Variants in NRDE2 observed in about 807,000 individuals in gnomAD.
The protein encoded by NRDE2 is NRDE-2, necessary for RNA interference, domain containing.
A neutral mutation model predicts 124.2 loss-of-function variants in NRDE2; 76 were observed. The observed-to-expected ratio is 0.61, with a 90% CI of 0.51 to 0.74. The LOEUF is 0.74. Ranked by LOEUF, NRDE2 falls within the 30% of genes least tolerant of loss-of-function variation. The probability of loss-of-function intolerance (pLI) is 0.00; values close to 1 mark genes in which losing one functional copy is unlikely to be tolerated. For synonymous variants in NRDE2, 489 were observed against 528.1 expected (o/e 0.93, Z 1.01); for missense variants, 1,314 against 1,417.3 (o/e 0.93, Z 1.17).
chr14:90,330,206 C>CAAAAAAAAAAAAAAAAAAAA (rs5810495), intron 1 of NRDE2, among the ~76,000 whole-genome samples: 1 of 132,158 alleles, frequency 7.6e-6, no homozygotes, highest in Non-Finnish European at 1.6e-5. Context: ...GACTTGGTCT[C>CAAAAAAAAAAAAAAAAAAAA]AAAAAAAAAA....
chr14:90,278,280 G>C lies in NRDE2; in HGVS notation c.*56C>G. 1 of 1,609,630 alleles carries C rather than the reference G, an allele frequency of 6.2e-7. No individual in the cohort carries two copies. Among genetic ancestry groups the C allele is most frequent in the Non-Finnish European group, 8.5e-7 (1 of 1,176,586 alleles). On this transcript the variant is annotated 3_prime_UTR_variant, in exon 14 of 14. Transcript: ENST00000354366. ...ACACGTTCTCTGCTCGCGCCTCCTA[G>C]CTCCGCAGGGTGGGCAACTTGGCCT...
Position 90,298,297 on chromosome 14 carries a change from G to C in NRDE2, c.1629C>G (p.His543Gln), listed in dbSNP as rs771801961. 1 of 1,613,646 alleles carries C rather than the reference G, an allele frequency of 6.2e-7. No homozygotes were observed. The highest frequency in any genetic ancestry group is 8.5e-7 in the Non-Finnish European group (1 of 1,179,980). Residue 543 changes from histidine to glutamine, a missense_variant, in exon 8 of 14, where the codon CAC becomes CAG. Physicochemically the swap from His to Gln is conservative, Grantham distance 24. Coordinates refer to ENST00000354366, the MANE Select transcript of NRDE2 (RefSeq NM_017970.4). ...KGARGWKAWM[H>Q]QQERGGWVVI... ...CCACCCAGCCACCTCGTTCCTGCTG[G>C]TGCATCCACGCCTTCCAGCCTCGGG...
In NRDE2 at chr14:90,276,549, G is replaced by A. The variant is rs1891809685; in HGVS notation, c.*1787C>T. ...TGGGCTTTTAAATAACAACAGTGAT[G>A]CTCTTGACATCTTGTTTTCTGTAAA... On this transcript the variant is annotated 3_prime_UTR_variant, in exon 14 of 14. Transcript: ENST00000354366. 2 of 152,086 alleles carry A rather than the reference G, an allele frequency of 1.3e-5. No individual in the cohort carries two copies. Among genetic ancestry groups the A allele is most frequent in the African/African-American group, 4.8e-5 (2 of 41,406 alleles). The allele number at this position is 152,086 out of a possible 1,614,324, so 9.4% of individuals were successfully genotyped here.
chr14:90,292,647 C>T (rs1022279007), intron 9 of NRDE2, 50 bp downstream of exon 9: 26 of 1,575,068 alleles, frequency 1.7e-5, no homozygotes, highest in Non-Finnish European at 2.2e-5. Context: ...GAATGGAAAG[C>T]AGGCAGGGAC....
At chr14:90,279,219 A>G in intron 12 of NRDE2, 86 bp from the exon 13 acceptor site, 2 of 1,038,164 alleles carry the variant, frequency 1.9e-6, no homozygotes, top group Non-Finnish European at 3.0e-6. Context: ...GACGGGCACA[A>G]GCCCTCAGCT....
chr14:90,325,993 T>C (rs1159633818), intron 1 of NRDE2, among the ~76,000 whole-genome samples: 2 of 152,190 alleles, frequency 1.3e-5, no homozygotes, highest in African/African-American at 2.4e-5. Flanking sequence ...TTTTTTATAC[T>C]GTAAGGCAAA....
At chr14:90,290,056 G>A (rs569873989) in intron 10 of NRDE2, among the ~76,000 whole-genome samples, 165 bp downstream of exon 10, 12 of 152,126 alleles carry the variant, frequency 7.9e-5, no homozygotes, top group East Asian at 3.9e-4. Flanking sequence ...TCTTCACTGC[G>A]GACCCTCAGA....
chr14:90,306,809 CAAAA>C (rs34221775), intron 4 of NRDE2, among the ~76,000 whole-genome samples: 1 of 135,372 alleles, frequency 7.4e-6, no homozygotes, highest in Admixed American at 7.4e-5. Flanking sequence ...GACTTGGTCT[CAAAA>C]AAAAAAAAAA....
At chr14:90,316,360 A>C (rs947834881) in intron 3 of NRDE2, among the ~76,000 whole-genome samples, 7 of 152,216 alleles carry the variant, frequency 4.6e-5, no homozygotes, top group African/African-American at 1.4e-4. Context: ...TTTTTGTCTA[A>C]AAGAGATTCA....
intron 12 of NRDE2, 64 bp from the exon 13 acceptor site, chr14:90,279,197 A>G: frequency 7.9e-7 from 1 of 1,259,866 alleles, no homozygotes. Flanking sequence ...GGCTACACAA[A>G]CGCCCCTGGA....
chr14:90,321,373 G>A (rs561560106), intron 1 of NRDE2, among the ~76,000 whole-genome samples: 116 of 151,908 alleles, frequency 7.6e-4, no homozygotes, highest in African/African-American at 2.6e-3. Flanking sequence ...AGGCTTTTGA[G>A]GATACAATTG....
intron 4 of NRDE2, among the ~76,000 whole-genome samples, chr14:90,306,362 T>A (rs188691854): frequency 6.6e-6 from 1 of 152,338 alleles, no homozygotes; most frequent in East Asian, 1.9e-4. Flanking sequence ...CAAATTCCAC[T>A]GTAGGGGACT....
chr14:90,278,979 G>A, intron 13 of NRDE2, 83 bp downstream of exon 13: 1 of 965,566 alleles, frequency 1.0e-6, no homozygotes, highest in Non-Finnish European at 1.7e-6. Flanking sequence ...GTGCCGCGGG[G>A]CAGGCCGGGA....
chr14:90,328,122 G>A (rs1340807661), intron 1 of NRDE2, among the ~76,000 whole-genome samples: 5 of 143,196 alleles, frequency 3.5e-5, no homozygotes, highest in East Asian at 2.1e-4. Flanking sequence ...CAGCCTAGGC[G>A]ACAGAGAGAT....
rs1264609298 is a variant in NRDE2, at chr14:90,275,722, T to G, written c.*2614A>C. On this transcript the variant is annotated 3_prime_UTR_variant, in exon 14 of 14. Transcript: ENST00000354366. ...AGAATTCCCACAGTAATTTCTTCCC[T>G]GGCTTCCTGCACTGGTGAGCCGGAC... 3 of 152,230 alleles carry G rather than the reference T, an allele frequency of 2.0e-5. No homozygotes were observed. The highest frequency in any genetic ancestry group is 4.4e-5 in the Non-Finnish European group (3 of 68,040). 9.4% of individuals were successfully genotyped at this position (152,230 alleles called of 1,614,324 possible).
At chr14:90,293,880 G>A (rs1010098665) in intron 8 of NRDE2, among the ~76,000 whole-genome samples, 1 of 152,190 alleles carries the variant, frequency 6.6e-6, no homozygotes, top group Non-Finnish European at 1.5e-5. Context: ...CAGCCACACA[G>A]GAAATCATTT....
At chr14:90,287,213 A>G (rs1892132813) in intron 11 of NRDE2, among the ~76,000 whole-genome samples, 3 of 152,148 alleles carry the variant, frequency 2.0e-5, no homozygotes, top group Admixed American at 6.5e-5. Context: ...ATATTATTCA[A>G]AGACAATTTT....
chr14:90,311,262 G>T (rs1884827323), intron 4 of NRDE2, among the ~76,000 whole-genome samples: 1 of 152,132 alleles, frequency 6.6e-6, no homozygotes, highest in Admixed American at 6.5e-5. Context: ...GTGTGTTATT[G>T]TTCTTTATGT....
At chr14:90,329,940 C>T (rs1885605316) in intron 1 of NRDE2, among the ~76,000 whole-genome samples, 1 of 151,332 alleles carries the variant, frequency 6.6e-6, no homozygotes, top group African/African-American at 2.4e-5. Flanking sequence ...GGTGTGGTGG[C>T]TCACAACTGT....
Sources: allele counts gnomAD v4.1 joint callset (sites outside exome capture counted in the v4.1 genomes callset), GRCh38; gene constraint gnomAD v4.1.1; transcripts MANE v1.5; gene names NCBI Gene and HGNC (gene_info 2026-07-23, HGNC 2026-07-21).